FANCC: variants seen among roughly 807,000 people sequenced by gnomAD.
The protein encoded by FANCC is FA complementation group C, also known as Fanconi anemia group C protein.
FANCC carries 55 observed loss-of-function variants against 71.3 expected under a neutral mutation model. The ratio of observed to expected loss-of-function variants is 0.77; its 90% CI spans 0.62 to 0.97. The LOEUF (loss-of-function observed/expected upper bound fraction) is 0.97, where lower values mean the gene tolerates loss of function less well. FANCC is among the 50% of genes least tolerant of loss of function. The pLI is 0.00. For missense variants in FANCC, 678 were observed against 670.9 expected, an observed-to-expected ratio of 1.01 and a Z score of -0.12; for synonymous variants, 275 against 244.9, an observed-to-expected ratio of 1.12 and a Z score of -1.15.
intron 3 of FANCC, among the ~76,000 whole-genome samples, chr9:95,246,013 G>C (rs1830951905): frequency 6.6e-6 from 1 of 152,142 alleles, no homozygotes; most frequent in Non-Finnish European, 1.5e-5. Flanking sequence ...GCCATTGTAT[G>C]CATTTTTTCA....
At chr9:95,259,050 C>A (rs1306322368) in intron 1 of FANCC, among the ~76,000 whole-genome samples, 1 of 152,108 alleles carries the variant, frequency 6.6e-6, no homozygotes, top group East Asian at 1.9e-4. Flanking sequence ...AGGACACAAA[C>A]AAATGGAAAA....
intron 8 of FANCC, among the ~76,000 whole-genome samples, chr9:95,127,851 G>A (rs950623388): frequency 2.0e-5 from 3 of 152,164 alleles, no homozygotes; most frequent in Non-Finnish European, 4.4e-5. Context: ...TGGACCCGCC[G>A]GGCTCCAGGC....
intron 1 of FANCC, among the ~76,000 whole-genome samples, chr9:95,315,259 T>C (rs1001128775): frequency 2.0e-5 from 3 of 152,216 alleles, no homozygotes; most frequent in African/African-American, 7.2e-5. Flanking sequence ...ACGGTCTCAG[T>C]CTGCTGCCCA....
At chr9:95,263,347 T>A (rs1266958580) in intron 1 of FANCC, among the ~76,000 whole-genome samples, 2 of 152,068 alleles carry the variant, frequency 1.3e-5, no homozygotes, top group Non-Finnish European at 2.9e-5. Flanking sequence ...TTAGGGAGAC[T>A]GGGATATCCG....
At chr9:95,188,738 G>A (rs772037272) in intron 4 of FANCC, among the ~76,000 whole-genome samples, 7 of 152,012 alleles carry the variant, frequency 4.6e-5, no homozygotes, top group Non-Finnish European at 1.0e-4. Flanking sequence ...GCAGTTTCCT[G>A]TTCTCTCGCA....
intron 7 of FANCC, among the ~76,000 whole-genome samples, chr9:95,148,104 A>G (rs1588175087): frequency 6.6e-6 from 1 of 152,264 alleles, no homozygotes; most frequent in East Asian, 1.9e-4. Flanking sequence ...ACTCTTCACC[A>G]CCACACACAC....
intron 1 of FANCC, among the ~76,000 whole-genome samples, chr9:95,310,547 C>A (rs1835328877): frequency 6.6e-6 from 1 of 152,178 alleles, no homozygotes; most frequent in South Asian, 2.1e-4. Flanking sequence ...GTACATACTT[C>A]TGTTCCAGCA....
chr9:95,180,390 C>T (rs1313511761), intron 4 of FANCC, among the ~76,000 whole-genome samples: 1 of 133,226 alleles, frequency 7.5e-6, no homozygotes, highest in East Asian at 2.3e-4. Context: ...TCTGCTCTGT[C>T]ACCCAGGCTA....
chr9:95,292,370 G>A (rs1834084673), intron 1 of FANCC: 12 of 1,010,400 alleles, frequency 1.2e-5, no homozygotes, highest in South Asian at 4.6e-5. Context: ...CGGCGGCGGG[G>A]TCCACGGCTC....
intron 1 of FANCC, among the ~76,000 whole-genome samples, chr9:95,301,740 T>C (rs1365966528): frequency 6.6e-6 from 1 of 152,024 alleles, no homozygotes; most frequent in Non-Finnish European, 1.5e-5. Context: ...TTTCCCTGTG[T>C]TTTTCAATTT....
intron 7 of FANCC, among the ~76,000 whole-genome samples, chr9:95,144,351 C>T (rs1343275095): frequency 1.3e-5 from 2 of 152,196 alleles, no homozygotes; most frequent in Non-Finnish European, 2.9e-5. Flanking sequence ...TATGGATTAG[C>T]AGACATAACT....
chr9:95,301,354 T>C (rs1478307046), intron 1 of FANCC, among the ~76,000 whole-genome samples: 4 of 152,210 alleles, frequency 2.6e-5, no homozygotes, highest in African/African-American at 9.6e-5. Context: ...AAAATATTTA[T>C]ATGTGTAAGT....
intron 1 of FANCC, chr9:95,292,560 C>A: frequency 6.8e-7 from 1 of 1,477,118 alleles, no homozygotes; most frequent in Non-Finnish European, 9.3e-7. Context: ...GGTGAGCGAG[C>A]TGTCCCAGAC....
intron 1 of FANCC, among the ~76,000 whole-genome samples, chr9:95,297,386 A>T (rs930425660): frequency 6.6e-6 from 1 of 152,148 alleles, no homozygotes; most frequent in Non-Finnish European, 1.5e-5. Flanking sequence ...TGACTGGCCC[A>T]CCTACATAGC....
Position 95,172,058 on chromosome 9 carries a change from G to A in FANCC, c.435C>T (p.Tyr145=), listed in dbSNP as rs1218211239. 6.2e-7 allele frequency: 1 copy of A among 1,608,884 alleles called. No individual in the cohort carries two copies. The highest frequency in any genetic ancestry group is 8.5e-7 in the Non-Finnish European group (1 of 1,175,520). The change falls in exon 5 of 15, where the codon TAC becomes TAT. Residue 145 remains tyrosine (Y), a synonymous_variant. Transcript: ENST00000289081. The part of the protein sequence containing the change: ...TQGLGYAPID[Y]YPGLLKNMVL... ...TCACATTTTTAAGCAAACCAGGATA[G>A]TAATCTATAGGTGCATACCCAAGAC...
In FANCC at chr9:95,247,485, G is replaced by A. The variant is rs762234072; in HGVS notation, c.197C>T (p.Thr66Ile). Residue 66 changes from threonine (T) to isoleucine (I), a missense_variant, in exon 3 of 15, where the codon ACA (threonine) becomes ATA (isoleucine). Thr to Ile is a moderately conservative substitution (Grantham distance 89). Coordinates refer to ENST00000289081, the MANE Select transcript of FANCC (RefSeq NM_000136.3). ...DSNTVIERFP[T>I]IGQLLAKACW... is the part of the protein sequence containing the mutation. Reference sequence around the variant, plus strand: ...AGCTTTTGCCAACAGTTGACCAATTGTGGGGAATCTTTCAATGACTGTATT... The same window carrying A: ...AGCTTTTGCCAACAGTTGACCAATTATGGGGAATCTTTCAATGACTGTATT... 1.2e-6 allele frequency: 2 copies of A among 1,613,716 alleles called. No homozygotes were observed. The highest frequency in any genetic ancestry group is 1.7e-6 in the Non-Finnish European group (2 of 1,179,744).
intron 7 of FANCC, among the ~76,000 whole-genome samples, chr9:95,138,370 G>T (rs911715345): frequency 4.6e-5 from 7 of 152,202 alleles, no homozygotes; most frequent in Non-Finnish European, 8.8e-5. Flanking sequence ...TTCCATCCAG[G>T]TGGTCAGCCA....
intron 1 of FANCC, among the ~76,000 whole-genome samples, chr9:95,262,375 G>A (rs560287979): frequency 1.3e-5 from 2 of 152,276 alleles, no homozygotes; most frequent in South Asian, 2.1e-4. Context: ...GGGAGGAGAC[G>A]CTGGGTGACA....
At chr9:95,151,328 T>TG (rs1830157557) in intron 6 of FANCC, among the ~76,000 whole-genome samples, 1 of 152,150 alleles carries the variant, frequency 6.6e-6, no homozygotes, top group Admixed American at 6.5e-5. Flanking sequence ...CCGTCTCCAG[T>TG]GAATGATAAA....
Sources: gnomAD v4.1 joint callset for allele counts (sites outside exome capture counted in the v4.1 genomes callset) on GRCh38, gnomAD v4.1.1 for gene constraint, MANE v1.5 for transcripts, NCBI Gene and HGNC (gene_info 2026-07-23, HGNC 2026-07-21) for gene names.